The following ARL5B variants were observed in gnomAD, a reference collection of about 807,000 sequenced individuals.
ARL5B encodes the protein ARF like GTPase 5B.
Under a neutral mutation model 26.9 loss-of-function variants are expected in ARL5B, and 10 were observed. That is an observed-to-expected ratio of 0.37 (90% CI 0.23 to 0.63). The LOEUF (loss-of-function observed/expected upper bound fraction) is 0.63. ARL5B is among the 30% of genes least tolerant of loss of function. The pLI is 0.62. For missense variants in ARL5B, 167 were observed against 213.9 expected, an observed-to-expected ratio of 0.78 and a Z score of 1.37; for synonymous variants, 87 against 70.4, an observed-to-expected ratio of 1.24 and a Z score of -1.18.
intron 1 of ARL5B, among the ~76,000 whole-genome samples, chr10:18,663,729 T>C (rs2059847719): frequency 6.6e-6 from 1 of 151,438 alleles, no homozygotes; most frequent in Non-Finnish European, 1.5e-5. Flanking sequence ...TCTGTATTTT[T>C]AGTAGAGACG....
chr10:18,674,575 C>A (rs993160232), intron 5 of ARL5B, among the ~76,000 whole-genome samples: 2 of 152,124 alleles, frequency 1.3e-5, no homozygotes, highest in African/African-American at 4.8e-5. Flanking sequence ...TATTTCCAGA[C>A]AATAAACAGT....
rs886407530 is a variant in ARL5B, at chr10:18,675,878, C to T, written c.*662C>T. The T allele has an allele frequency of 6.6e-6, 1 of 152,022 alleles. No homozygotes were observed. Among genetic ancestry groups the T allele is most frequent in the Non-Finnish European group, 1.5e-5 (1 of 67,924 alleles). The allele number at this position is 152,022 out of a possible 1,614,324, so 9.4% of individuals were successfully genotyped here. ...TTTATCTAAAGGAATCAAGTCCACT[C>T]TTCTGCCTGCAACATTTGTTCAAAA... On this transcript the variant is annotated 3_prime_UTR_variant, in exon 6 of 6. Coordinates refer to ENST00000377275, the MANE Select transcript of ARL5B (RefSeq NM_178815.5).
rs898227139 is a variant in ARL5B, at chr10:18,679,275, C to G, written c.*4059C>G. The G allele has an allele frequency of 6.6e-6, 1 of 151,860 alleles. No individual in the cohort carries two copies. Among genetic ancestry groups the G allele is most frequent in the Non-Finnish European group, 1.5e-5 (1 of 67,832 alleles). 9.4% of individuals were successfully genotyped at this position (151,860 alleles called of 1,614,324 possible). A position where few individuals can be genotyped will look rare whatever the true frequency, so the allele number is the denominator to read the frequency against. ...AAATAATTCTCTTCTAGATAATTTA[C>G]CTTATTTTCTTGGCTTGTACTAATT... On this transcript the variant is annotated 3_prime_UTR_variant, in exon 6 of 6. Transcript: ENST00000377275.
chr10:18,680,620 T>C lies in ARL5B; in HGVS notation c.*5404T>C, dbSNP rs908962781. 3 of 152,140 alleles carry C rather than the reference T, an allele frequency of 2.0e-5. No individual in the cohort carries two copies. The highest frequency in any genetic ancestry group is 7.2e-5 in the African/African-American group (3 of 41,454). The allele number at this position is 152,140 out of a possible 1,614,324, so 9.4% of individuals were successfully genotyped here. On this transcript the variant is annotated 3_prime_UTR_variant, in exon 6 of 6. Coordinates refer to ENST00000377275, the MANE Select transcript of ARL5B (RefSeq NM_178815.5). ...GGACTCTGAAGCCCCTATTTTATTC[T>C]CTTGGAGTAAACTGTTGAGTGTAGT...
intron 4 of ARL5B, among the ~76,000 whole-genome samples, 158 bp downstream of exon 4, chr10:18,672,863 T>C (rs1181944960): frequency 6.6e-6 from 1 of 152,006 alleles, no homozygotes; most frequent in African/African-American, 2.4e-5. Context: ...TAAAAAAAAA[T>C]GTTCATTACT....
At chr10:18,674,321 A>C (rs1328308302) in intron 5 of ARL5B, among the ~76,000 whole-genome samples, 186 bp downstream of exon 5, 1 of 152,260 alleles carries the variant, frequency 6.6e-6, no homozygotes, top group Non-Finnish European at 1.5e-5. Context: ...TGGCAACTTA[A>C]AAACTTTTAA....
Position 18,680,370 on chromosome 10 carries a change from G to A in ARL5B, c.*5154G>A, listed in dbSNP as rs1468133663. 6.6e-6 allele frequency: 1 copy of A among 152,028 alleles called. No individual in the cohort carries two copies. The highest frequency in any genetic ancestry group is 2.4e-5 in the African/African-American group (1 of 41,430). 9.4% of individuals were successfully genotyped at this position (152,028 alleles called of 1,614,324 possible). A position where few individuals can be genotyped will look rare whatever the true frequency, so the allele number is the denominator to read the frequency against. ...ACATATGGTTTCATTAAAGCACATA[G>A]GAAAGTGCTCAGTCAATATTTAATT... On this transcript the variant is annotated 3_prime_UTR_variant, in exon 6 of 6. Coordinates refer to ENST00000377275, the MANE Select transcript of ARL5B (RefSeq NM_178815.5).
At chr10:18,662,071 A>G (rs1590223363) in intron 1 of ARL5B, among the ~76,000 whole-genome samples, 1 of 152,236 alleles carries the variant, frequency 6.6e-6, no homozygotes, top group Non-Finnish European at 1.5e-5. Context: ...TTCTGCATCA[A>G]CAAAATTAAC....
chr10:18,666,722 C>T (rs183139032), intron 2 of ARL5B, 87 bp downstream of exon 2: 24 of 1,115,974 alleles, frequency 2.2e-5, no homozygotes, highest in South Asian at 2.0e-4. Flanking sequence ...ATAATAATGA[C>T]GGAAAAACTT....
At chr10:18,663,546 C>CTTTTTTTTTTTTT (rs10645351) in intron 1 of ARL5B, among the ~76,000 whole-genome samples, 2 of 97,948 alleles carry the variant, frequency 2.0e-5, no homozygotes, top group Non-Finnish European at 3.7e-5. Flanking sequence ...TTATTCTGCT[C>CTTTTTTTTTTTTT]TTTTTTTTTT....
chr10:18,667,446 T>C (rs913216763), intron 2 of ARL5B, among the ~76,000 whole-genome samples: 4 of 152,208 alleles, frequency 2.6e-5, no homozygotes, highest in Admixed American at 6.5e-5. Context: ...TTTTCATTCA[T>C]TGGTGATTAT....
intron 5 of ARL5B, 149 bp from the exon 6 acceptor site, chr10:18,675,019 C>T: frequency 1.7e-6 from 1 of 584,262 alleles, no homozygotes. Context: ...AAAAATTTCA[C>T]TTATTATAGT....
At chr10:18,660,776 C>T (rs2059830355) in intron 1 of ARL5B, among the ~76,000 whole-genome samples, 1 of 152,178 alleles carries the variant, frequency 6.6e-6, no homozygotes, top group African/African-American at 2.4e-5. Flanking sequence ...GATAATATTA[C>T]TTATCAAATG....
Position 18,666,646 on chromosome 10 carries a change from G to T in ARL5B, c.107+11G>T. On this transcript the variant is annotated intron_variant, in intron 2 of 5. Transcript: ENST00000377275. Reference sequence around the variant, plus strand: ...CATTCTTTACCAATTGTAAGTATGGGTGTTTATTAAACAGTTTTCACTAGT... The same window carrying T: ...CATTCTTTACCAATTGTAAGTATGGTTGTTTATTAAACAGTTTTCACTAGT... 1 of 1,594,736 alleles carries T rather than the reference G, an allele frequency of 6.3e-7. No individual in the cohort carries two copies.
Position 18,674,139 on chromosome 10 carries a change from A to G in ARL5B, c.491+4A>G. ...GCTGTGCTCTCACAGGAGAAGGGTA[A>G]GTTCATCCGTCTGAGGGGAGGTATG... On this transcript the variant is annotated splice_donor_region_variant and intron_variant, in intron 5 of 5. Coordinates refer to ENST00000377275, the MANE Select transcript of ARL5B (RefSeq NM_178815.5). The G allele has an allele frequency of 6.2e-7, 1 of 1,604,618 alleles. No individual in the cohort carries two copies. Among genetic ancestry groups the G allele is most frequent in the Non-Finnish European group, 8.5e-7 (1 of 1,176,396 alleles).
chr10:18,669,047 G>T (rs1468936926), intron 3 of ARL5B, among the ~76,000 whole-genome samples: 1 of 152,166 alleles, frequency 6.6e-6, no homozygotes, highest in African/African-American at 2.4e-5. Context: ...GGGATTACAG[G>T]CTTGAGCCAC....
intron 1 of ARL5B, chr10:18,659,945 A>G (rs2059821107): frequency 1.0e-6 from 1 of 985,190 alleles, no homozygotes; most frequent in Non-Finnish European, 1.2e-6. Flanking sequence ...TGGCGAAGTA[A>G]AGCGGGATAC....
intron 1 of ARL5B, among the ~76,000 whole-genome samples, chr10:18,660,976 T>TA (rs2059832207): frequency 2.0e-5 from 3 of 152,170 alleles, no homozygotes; most frequent in African/African-American, 7.2e-5. Context: ...GCCTCCCGAG[T>TA]AACTGGTATT....
rs1217865769 is a variant in ARL5B, at chr10:18,677,583, A to G, written c.*2367A>G. 3 of 152,270 alleles carry G rather than the reference A, an allele frequency of 2.0e-5. No homozygotes were observed. The highest frequency in any genetic ancestry group is 7.2e-5 in the African/African-American group (3 of 41,414). The allele number at this position is 152,270 out of a possible 1,614,324, so 9.4% of individuals were successfully genotyped here. On this transcript the variant is annotated 3_prime_UTR_variant, in exon 6 of 6. Transcript: ENST00000377275. The stretch of plus-strand genomic sequence containing the variant: ...TGTCACAGTAACGTGAAAACTGATT[A>G]TTCTTTACTCCAAGAGAATGTTTTA...
Sources: gnomAD v4.1 joint callset for allele counts (sites outside exome capture counted in the v4.1 genomes callset) on GRCh38, gnomAD v4.1.1 for gene constraint, MANE v1.5 for transcripts, NCBI Gene and HGNC (gene_info 2026-07-23, HGNC 2026-07-21) for gene names.